DIAPH3: variants seen among roughly 807,000 people sequenced by gnomAD.
DIAPH3 encodes the protein diaphanous related formin 3.
A neutral mutation model predicts 144.3 loss-of-function variants in DIAPH3; 117 were observed. That is an observed-to-expected ratio of 0.81 (90% CI 0.70 to 0.95). DIAPH3 has a LOEUF of 0.95. DIAPH3 is among the 40% of genes least tolerant of loss of function. The pLI is 0.00. For missense variants in DIAPH3, 1,421 were observed against 1,412.7 expected, an observed-to-expected ratio of 1.01 and a Z score of -0.09; for synonymous variants, 519 against 488.9, an observed-to-expected ratio of 1.06 and a Z score of -0.81.
chr13:59,694,691 G>C (rs531189220), intron 27 of DIAPH3, among the ~76,000 whole-genome samples: 1 of 152,020 alleles, frequency 6.6e-6, no homozygotes, highest in East Asian at 1.9e-4. Context: ...TTTGTTCCTG[G>C]TTCTTGGGAA....
intron 4 of DIAPH3, among the ~76,000 whole-genome samples, chr13:60,049,102 G>A (rs961940142): frequency 7.2e-5 from 11 of 152,158 alleles, no homozygotes; most frequent in African/African-American, 2.7e-4. Flanking sequence ...ATTCACTACT[G>A]ATAAATGCAA....
intron 24 of DIAPH3, among the ~76,000 whole-genome samples, chr13:59,829,028 G>C (rs890593315): frequency 6.6e-6 from 1 of 151,896 alleles, no homozygotes; most frequent in Non-Finnish European, 1.5e-5. Flanking sequence ...GTCTGGAACA[G>C]ATATTCCTTC....
intron 27 of DIAPH3, among the ~76,000 whole-genome samples, chr13:59,766,085 C>G (rs185718141): frequency 6.6e-6 from 1 of 152,280 alleles, no homozygotes; most frequent in Admixed American, 6.5e-5. Flanking sequence ...AATATCTTAT[C>G]CTATCAGAAA....
intron 20 of DIAPH3, among the ~76,000 whole-genome samples, chr13:59,904,772 G>A (rs2046637052): frequency 6.6e-6 from 1 of 152,048 alleles, no homozygotes; most frequent in East Asian, 1.9e-4. Flanking sequence ...AGACAAGTAA[G>A]AGGCAGTGAG....
intron 1 of DIAPH3, among the ~76,000 whole-genome samples, chr13:60,135,919 G>GA (rs1039575119): frequency 2.0e-5 from 3 of 152,262 alleles, no homozygotes; most frequent in East Asian, 3.9e-4. Flanking sequence ...AATACTTAGT[G>GA]AAAAAATGTA....
chr13:59,764,205 A>G (rs1473569729), intron 27 of DIAPH3, among the ~76,000 whole-genome samples: 1 of 151,882 alleles, frequency 6.6e-6, no homozygotes, highest in African/African-American at 2.4e-5. Flanking sequence ...CTTGAGCGCA[A>G]TTGTTCCTAA....
At chr13:59,859,624 C>G (rs1159373143) in intron 22 of DIAPH3, among the ~76,000 whole-genome samples, 1 of 152,122 alleles carries the variant, frequency 6.6e-6, no homozygotes, top group African/African-American at 2.4e-5. Flanking sequence ...ATCCACTACT[C>G]CGTTATCTAT....
chr13:60,050,049 C>G (rs2056263944), intron 4 of DIAPH3, among the ~76,000 whole-genome samples: 1 of 152,086 alleles, frequency 6.6e-6, no homozygotes, highest in Non-Finnish European at 1.5e-5. Context: ...TCTTAATTAA[C>G]CCAGCATGGT....
chr13:59,882,441 A>C (rs1022752475), intron 20 of DIAPH3, among the ~76,000 whole-genome samples: 1 of 152,192 alleles, frequency 6.6e-6, no homozygotes, highest in African/African-American at 2.4e-5. Flanking sequence ...GAATCAAATA[A>C]AAAGGGTTAA....
rs1247703035 is a variant in DIAPH3 at position 60,017,219 on chromosome 13, C to A, written c.627-1074G>T. Among the ~76,000 whole-genome samples, 6 of 152,046 alleles carry A rather than the reference C, an allele frequency of 3.9e-5. No individual in the cohort carries two copies. In the East Asian group the frequency reaches 1.2e-3, roughly 29 times the overall value. The stretch of plus-strand genomic sequence containing the variant: ...AGGAGTTCGAGACCAGCCTGACCAA[C>A]ATGGTGAAACCCCATCTCTACTAAA... On this transcript the variant is annotated intron_variant, in intron 5 of 27. Transcript: ENST00000400324.
At chr13:59,765,490 G>A (rs1224993245) in intron 27 of DIAPH3, among the ~76,000 whole-genome samples, 1 of 152,102 alleles carries the variant, frequency 6.6e-6, no homozygotes. Context: ...TCTTATAGCT[G>A]AGGAAAAGAA....
In DIAPH3 at chr13:60,112,142, C is replaced by G. The variant is rs2058585249; in HGVS notation, c.258G>C (p.Glu86Asp). ...TCTTCAGGTTGGGAAGTGGAGGTCT[C>G]TCTTTCTTGCTCCCTGGAATTCTTA... Reference protein sequence around the residue: ...ASIRIPGSKKERPPLPNLKTA... With the variant: ...ASIRIPGSKKDRPPLPNLKTA... Residue 86 changes from glutamate (E) to aspartate (D), a missense_variant, in exon 3 of 28, where the codon GAG (glutamate) becomes GAC (aspartate). Glu to Asp is a conservative substitution (Grantham distance 45). Transcript: ENST00000400324. 6.2e-7 allele frequency: 1 copy of G among 1,613,998 alleles called. No individual in the cohort carries two copies. Among genetic ancestry groups the G allele is most frequent in the African/African-American group, 1.3e-5 (1 of 74,916 alleles).
chr13:60,142,984 C>T (rs967227133), intron 1 of DIAPH3, among the ~76,000 whole-genome samples: 1 of 151,838 alleles, frequency 6.6e-6, no homozygotes. Flanking sequence ...AACTCCTAGC[C>T]TCAAGTGATC....
chr13:60,147,837 G>C (rs1277732545), intron 1 of DIAPH3, among the ~76,000 whole-genome samples: 1 of 152,196 alleles, frequency 6.6e-6, no homozygotes, highest in African/African-American at 2.4e-5. Context: ...GTTTTAAGCA[G>C]GTTCCATAAT....
intron 14 of DIAPH3, among the ~76,000 whole-genome samples, chr13:59,979,575 C>T (rs1231896863): frequency 1.3e-5 from 2 of 151,648 alleles, no homozygotes; most frequent in Non-Finnish European, 3.0e-5. Flanking sequence ...GAAATAACAA[C>T]CTCTCATTTA....
At chr13:60,119,385 G>A (rs919498368) in intron 2 of DIAPH3, among the ~76,000 whole-genome samples, 4 of 152,100 alleles carry the variant, frequency 2.6e-5, no homozygotes, top group Non-Finnish European at 5.9e-5. Context: ...GCAAACTCAA[G>A]GCAGAACCCA....
chr13:59,683,870 AT>A (rs1390366073), intron 27 of DIAPH3, among the ~76,000 whole-genome samples: 1 of 152,162 alleles, frequency 6.6e-6, no homozygotes, highest in African/African-American at 2.4e-5. Flanking sequence ...CCAGTTTTCC[AT>A]TCTCTTCACA....
At chr13:60,073,298 G>A (rs545489026) in intron 4 of DIAPH3, among the ~76,000 whole-genome samples, 1 of 151,026 alleles carries the variant, frequency 6.6e-6, no homozygotes, top group Non-Finnish European at 1.5e-5. Context: ...AACAGAGCGG[G>A]ATGTTGTCTC....
At chr13:59,792,634 A>G (rs536253704) in intron 25 of DIAPH3, among the ~76,000 whole-genome samples, 1 of 152,182 alleles carries the variant, frequency 6.6e-6, no homozygotes, top group South Asian at 2.1e-4. Flanking sequence ...TTTCTGACCC[A>G]TGTCCTTTTC....
Sources: gnomAD v4.1 joint callset for allele counts (sites outside exome capture counted in the v4.1 genomes callset) on GRCh38, gnomAD v4.1.1 for gene constraint, MANE v1.5 for transcripts, NCBI Gene and HGNC (gene_info 2026-07-23, HGNC 2026-07-21) for gene names.